RSRC1: variants seen among roughly 807,000 people sequenced by gnomAD.
RSRC1 encodes the protein arginine and serine rich coiled-coil 1, also known as serine/Arginine-related protein 53.
A neutral mutation model predicts 49.1 loss-of-function variants in RSRC1; 39 were observed. That is an observed-to-expected ratio of 0.79 (90% CI 0.61 to 1.04). The LOEUF (loss-of-function observed/expected upper bound fraction) is 1.04, where lower values mean the gene tolerates loss of function less well. Ranked by LOEUF, RSRC1 falls within the 50% of genes least tolerant of loss-of-function variation. The pLI is 0.00. For synonymous variants in RSRC1, 143 were observed against 130.8 expected (o/e 1.09, Z -0.63); for missense variants, 388 against 402.4 (o/e 0.96, Z 0.31).
chr3:158,467,872 G>A (rs1700810414), intron 7 of RSRC1, among the ~76,000 whole-genome samples: 1 of 152,176 alleles, frequency 6.6e-6, no homozygotes, highest in Non-Finnish European at 1.5e-5. Flanking sequence ...TGTTCTTGTA[G>A]TAACAATTAA....
At chr3:158,518,127 T>C (rs1470869994) in intron 7 of RSRC1, among the ~76,000 whole-genome samples, 5,395 of 45,848 alleles carry the variant, frequency 0.12, 292 homozygotes, top group African/African-American at 0.19. Flanking sequence ...TGTGTGTGTG[T>C]ATATATATAT....
rs140920287 is a variant in RSRC1 at position 158,470,815 on chromosome 3, C to T, written c.652+9812C>T. The stretch of plus-strand genomic sequence containing the variant: ...AGGACCCAATCGAAATCATCTCCAA[C>T]GCCAAGAAAAAAAAATTATTCTCTG... On this transcript the variant is annotated intron_variant, in intron 7 of 9. Coordinates refer to ENST00000611884, the MANE Select transcript of RSRC1 (RefSeq NM_001271838.2). Among the ~76,000 whole-genome samples, 633 of 152,162 alleles carry T rather than the reference C, an allele frequency of 4.2e-3. 1 individual carries two copies. The highest frequency in any genetic ancestry group is 6.1e-3 in the Non-Finnish European group (416 of 67,992).
intron 4 of RSRC1, among the ~76,000 whole-genome samples, chr3:158,283,002 G>A (rs893955419): frequency 7.9e-5 from 12 of 152,098 alleles, no homozygotes; most frequent in East Asian, 3.9e-4. Context: ...TGTTTGCCTC[G>A]TGCATTGCAA....
chr3:158,494,224 G>A (rs1443077899), intron 7 of RSRC1, among the ~76,000 whole-genome samples: 4 of 152,082 alleles, frequency 2.6e-5, no homozygotes, highest in Non-Finnish European at 5.9e-5. Flanking sequence ...CTGCTCCTAG[G>A]CTACAGACCT....
chr3:158,169,635 A>G (rs1718752874), intron 3 of RSRC1, among the ~76,000 whole-genome samples: 1 of 152,140 alleles, frequency 6.6e-6, no homozygotes, highest in African/African-American at 2.4e-5. Context: ...CTGTGAGAAG[A>G]TTCAGAATTG....
chr3:158,252,339 T>TG (rs1370456964), intron 4 of RSRC1, among the ~76,000 whole-genome samples: 1 of 150,070 alleles, frequency 6.7e-6, no homozygotes, highest in Non-Finnish European at 1.5e-5. Context: ...TTTTTTGTAT[T>TG]TTTTTTAAGT....
At chr3:158,434,537 CCT>C (rs1166706154) in intron 6 of RSRC1, among the ~76,000 whole-genome samples, 9 of 152,080 alleles carry the variant, frequency 5.9e-5, no homozygotes, top group African/African-American at 2.2e-4. Flanking sequence ...GGTACTTTGT[CCT>C]CTGTCATTCC....
At chr3:158,519,401 G>A (rs1432993215) in intron 7 of RSRC1, among the ~76,000 whole-genome samples, 2 of 151,798 alleles carry the variant, frequency 1.3e-5, no homozygotes, top group African/African-American at 4.8e-5. Context: ...GGGACCAGTG[G>A]CTAGTTCAGA....
In RSRC1 at chr3:158,545,605, A is replaced by G. The variant is rs564509735; in HGVS notation, c.*1330A>G. On this transcript the variant is annotated 3_prime_UTR_variant, in exon 10 of 10. Transcript: ENST00000611884. ...GTTGAAAATGAAAAATGTAAAACTT[A>G]GTTGCAAACAGTATAGAAAATAAGT... 3 of 152,320 alleles carry G rather than the reference A, an allele frequency of 2.0e-5. No individual in the cohort carries two copies. The highest frequency in any genetic ancestry group is 7.2e-5 in the African/African-American group (3 of 41,580). The allele number at this position is 152,320 out of a possible 1,614,324, so 9.4% of individuals were successfully genotyped here.
intron 7 of RSRC1, among the ~76,000 whole-genome samples, chr3:158,516,995 C>G (rs1302611032): frequency 6.6e-6 from 1 of 152,202 alleles, no homozygotes; most frequent in Non-Finnish European, 1.5e-5. Context: ...TGCCCACTGT[C>G]TGGCACTCCC....
At chr3:158,163,134 G>T (rs989281907) in intron 3 of RSRC1, among the ~76,000 whole-genome samples, 3 of 152,042 alleles carry the variant, frequency 2.0e-5, no homozygotes, top group Admixed American at 6.6e-5. Context: ...CTCCCTAGTA[G>T]CTGGGATTAC....
At chr3:158,131,198 A>G (rs1329745899) in intron 3 of RSRC1, among the ~76,000 whole-genome samples, 1 of 151,878 alleles carries the variant, frequency 6.6e-6, no homozygotes, top group Non-Finnish European at 1.5e-5. Flanking sequence ...TTTTAAATAT[A>G]TATTAACTAA....
chr3:158,520,947 T>C (rs1275772653), intron 7 of RSRC1, among the ~76,000 whole-genome samples: 5 of 152,164 alleles, frequency 3.3e-5, no homozygotes, highest in Non-Finnish European at 7.4e-5. Flanking sequence ...ATAACTAGAA[T>C]TCCCTGGTTA....
intron 4 of RSRC1, among the ~76,000 whole-genome samples, chr3:158,226,233 C>A (rs1030982101): frequency 6.6e-6 from 1 of 151,908 alleles, no homozygotes; most frequent in Non-Finnish European, 1.5e-5. Flanking sequence ...GGTGGGGCAA[C>A]TCTGACAGGA....
At chr3:158,526,336 T>C (rs1459201672) in intron 7 of RSRC1, among the ~76,000 whole-genome samples, 4 of 152,020 alleles carry the variant, frequency 2.6e-5, no homozygotes, top group South Asian at 2.1e-4. Flanking sequence ...GCGTAGAGGA[T>C]GTTTGAAGTA....
chr3:158,255,468 C>G (rs1165312836), intron 4 of RSRC1, among the ~76,000 whole-genome samples: 1 of 152,088 alleles, frequency 6.6e-6, no homozygotes, highest in Non-Finnish European at 1.5e-5. Context: ...TTTACTGTAG[C>G]CTTGTAGTAT....
chr3:158,215,158 C>T (rs961299156), intron 4 of RSRC1, among the ~76,000 whole-genome samples: 1 of 151,958 alleles, frequency 6.6e-6, no homozygotes, highest in African/African-American at 2.4e-5. Context: ...CTACAAAATA[C>T]ACATTGTATG....
At chr3:158,484,637 CT>C (rs1738747086) in intron 7 of RSRC1, among the ~76,000 whole-genome samples, 1 of 151,960 alleles carries the variant, frequency 6.6e-6, no homozygotes, top group Non-Finnish European at 1.5e-5. Flanking sequence ...TATTTTTGTG[CT>C]TTTGAAAGGT....
chr3:158,396,181 G>A (rs541537014), intron 6 of RSRC1, among the ~76,000 whole-genome samples: 2 of 152,096 alleles, frequency 1.3e-5, no homozygotes, highest in East Asian at 1.9e-4. Flanking sequence ...AGACACCAGG[G>A]CCTACTTACG....
Sources: gnomAD v4.1 joint callset for allele counts (sites outside exome capture counted in the v4.1 genomes callset) on GRCh38, gnomAD v4.1.1 for gene constraint, MANE v1.5 for transcripts, NCBI Gene and HGNC (gene_info 2026-07-23, HGNC 2026-07-21) for gene names.